The following NTAN1 variants were observed in gnomAD, a reference collection of about 807,000 sequenced individuals.
The protein encoded by NTAN1 is N-terminal asparagine amidase.
Under a neutral mutation model 41.9 loss-of-function variants are expected in NTAN1, and 32 were observed. The observed-to-expected ratio is 0.76, with a 90% CI of 0.58 to 1.03. The LOEUF (loss-of-function observed/expected upper bound fraction) is 1.03. Ranked by LOEUF, NTAN1 falls within the 50% of genes least tolerant of loss-of-function variation. NTAN1 has a pLI of 0.00. For synonymous variants in NTAN1, 140 were observed against 139.5 expected (o/e 1.00, Z -0.03); for missense variants, 377 against 377.5 (o/e 1.00, Z 0.01).
At chr16:15,040,942 G>C in intron 7 of NTAN1, 126 bp downstream of exon 7, 1 of 721,534 alleles carries the variant, frequency 1.4e-6, no homozygotes. Context: ...CAGATGTTCG[G>C]AGTAGCTGGG....
chr16:15,038,251 A>G (rs2740), intron 9 of NTAN1, 41 bp from the exon 10 acceptor site: 456,859 of 1,441,238 alleles, frequency 0.32, 74,028 homozygotes, highest in Admixed American at 0.49. Context: ...AGCCAACCTT[A>G]CTGTCCCCTG....
intron 7 of NTAN1, among the ~76,000 whole-genome samples, chr16:15,040,725 T>C (rs925993122): frequency 2.0e-5 from 3 of 152,070 alleles, no homozygotes; most frequent in Admixed American, 6.5e-5. Context: ...CCCAGAGCAC[T>C]GGCAGGAGAA....
intron 5 of NTAN1, among the ~76,000 whole-genome samples, chr16:15,043,003 C>T (rs932439450): frequency 7.9e-5 from 12 of 151,612 alleles, no homozygotes; most frequent in African/African-American, 2.2e-4. Flanking sequence ...CGGGTTCAAG[C>T]GGTTCTCCTG....
Position 15,056,024 on chromosome 16 carries a change from CA to C in NTAN1, c.-54del, listed in dbSNP as rs1300948813. 3 of 926,244 alleles carry C rather than the reference CA, an allele frequency of 3.2e-6. No homozygotes were observed. The African/African-American group carries it at 5.3e-5, about 16-fold the overall frequency. 57.4% of individuals were successfully genotyped at this position (926,244 alleles called of 1,614,324 possible). A position where few individuals can be genotyped will look rare whatever the true frequency, so the allele number is the denominator to read the frequency against. On this transcript the variant is annotated 5_prime_UTR_variant, in exon 1 of 10. Transcript: ENST00000287706. ...AGGGAGGCGGCGGCCCCCCGCTTTG[CA>C]GCCCCGGGCCGCCCGCCGCCCCCGC...
At chr16:15,041,244 T>G in intron 6 of NTAN1, 123 bp from the exon 7 acceptor site, 1 of 712,340 alleles carries the variant, frequency 1.4e-6, no homozygotes, top group East Asian at 2.7e-5. Context: ...TTCCAGAAAA[T>G]GAAAGGGATT....
intron 1 of NTAN1, among the ~76,000 whole-genome samples, chr16:15,049,105 G>A (rs2044197819): frequency 6.7e-6 from 1 of 149,636 alleles, no homozygotes; most frequent in African/African-American, 2.5e-5. Context: ...TGCTCCCCAG[G>A]CTGGTCTCAA....
intron 9 of NTAN1, 29 bp downstream of exon 9, chr16:15,038,545 T>A: frequency 2.4e-6 from 3 of 1,251,752 alleles, no homozygotes; most frequent in Non-Finnish European, 3.5e-6. Context: ...TGCAGAGATT[T>A]AAGACTTACC....
Position 15,047,519 on chromosome 16 carries a change from G to A in NTAN1, c.282C>T (p.Asp94=), listed in dbSNP as rs143783591. 1.1e-4 allele frequency: 170 copies of A among 1,613,862 alleles called. No individual in the cohort carries two copies. The highest frequency in any genetic ancestry group is 3.6e-4 in the East Asian group (16 of 44,886). Residue 94 remains aspartate, a synonymous_variant, in exon 4 of 10, where the codon GAC becomes GAT. Transcript: ENST00000287706. ...GNGATCLTHC[D]GTDTKAEVPL... ...GGACCTCAGCTTTGGTGTCGGTTCC[G>A]TCACAATGTGTCAAGCAGGTGGCCC...
At chr16:15,055,428 C>G (rs1193867024) in intron 1 of NTAN1, among the ~76,000 whole-genome samples, 2 of 152,226 alleles carry the variant, frequency 1.3e-5, no homozygotes, top group Non-Finnish European at 2.9e-5. Context: ...CGCCAAGATC[C>G]CCCAGGCCAA....
intron 5 of NTAN1, among the ~76,000 whole-genome samples, chr16:15,042,993 C>T (rs139588056): frequency 0.013 from 1,897 of 151,130 alleles, 29 homozygotes; most frequent in African/African-American, 0.015. Flanking sequence ...CTATACCTCC[C>T]GGGTTCAAGC....
intron 3 of NTAN1, 32 bp from the exon 4 acceptor site, chr16:15,047,582 T>G: frequency 6.8e-7 from 1 of 1,474,830 alleles, no homozygotes; most frequent in Non-Finnish European, 9.5e-7. Context: ...ACTCAAGTTA[T>G]TCCCTGATGC....
chr16:15,040,258 C>T, intron 7 of NTAN1, 192 bp from the exon 8 acceptor site: 1 of 439,060 alleles, frequency 2.3e-6, no homozygotes, highest in Non-Finnish European at 4.0e-6. Flanking sequence ...GTGAAAATCG[C>T]TGAGGCTCGA....
At chr16:15,039,395 T>G (rs912443340) in intron 8 of NTAN1, among the ~76,000 whole-genome samples, 2 of 152,228 alleles carry the variant, frequency 1.3e-5, no homozygotes, top group Non-Finnish European at 1.5e-5. Flanking sequence ...TTCCGTTTTT[T>G]CACACTTTGA....
chr16:15,044,564 C>T, intron 4 of NTAN1, 157 bp from the exon 5 acceptor site: 1 of 629,620 alleles, frequency 1.6e-6, no homozygotes, highest in Non-Finnish European at 2.8e-6. Context: ...ATCGGCAGCA[C>T]ACTGCCAAGG....
chr16:15,040,077 C>T lies in NTAN1; in HGVS notation c.542-11G>A. On this transcript the variant is annotated splice_polypyrimidine_tract_variant and intron_variant, in intron 7 of 9. Coordinates refer to ENST00000287706, the MANE Select transcript of NTAN1 (RefSeq NM_173474.4). The stretch of plus-strand genomic sequence containing the variant: ...TCTTAATGTTGACAGCTGTGAGGGA[C>T]AACAGGATGACTCTGAATTGACAAA... The T allele has an allele frequency of 6.7e-7, 1 of 1,486,030 alleles. No individual in the cohort carries two copies. The highest frequency in any genetic ancestry group is 9.4e-7 in the Non-Finnish European group (1 of 1,066,946). The allele number at this position is 1,486,030 out of a possible 1,614,324, so 92.1% of individuals were successfully genotyped here. A position where few individuals can be genotyped will look rare whatever the true frequency, so the allele number is the denominator to read the frequency against.
chr16:15,048,971 C>T (rs943966097), intron 1 of NTAN1, among the ~76,000 whole-genome samples: 7 of 148,216 alleles, frequency 4.7e-5, no homozygotes, highest in Non-Finnish European at 1.0e-4. Flanking sequence ...GCTGCCCAGG[C>T]TGGTCTCAAA....
chr16:15,053,004 T>C (rs927415764), intron 1 of NTAN1, among the ~76,000 whole-genome samples: 5 of 152,206 alleles, frequency 3.3e-5, no homozygotes, highest in Non-Finnish European at 5.9e-5. Flanking sequence ...AGGAACTTCA[T>C]GCTGGGATGG....
intron 4 of NTAN1, chr16:15,044,641 C>T (rs888092278): frequency 1.8e-6 from 1 of 570,164 alleles, no homozygotes; most frequent in East Asian, 2.9e-5. Flanking sequence ...TATCTGAACA[C>T]AAATGTGATG....
intron 5 of NTAN1, among the ~76,000 whole-genome samples, chr16:15,043,305 G>A (rs1246332811): frequency 6.6e-6 from 1 of 152,178 alleles, no homozygotes; most frequent in Admixed American, 6.5e-5. Context: ...CAAAGTGCTG[G>A]GATTACAGGC....
Sources: allele counts gnomAD v4.1 joint callset (sites outside exome capture counted in the v4.1 genomes callset), GRCh38; gene constraint gnomAD v4.1.1; transcripts MANE v1.5; gene names NCBI Gene and HGNC (gene_info 2026-07-23, HGNC 2026-07-21).